Variants in CCDC141 observed in about 807,000 individuals in gnomAD.
CCDC141 encodes coiled-coil domain containing 141, also known as coiled-coil domain-containing protein 141.
In CCDC141, 168 loss-of-function variants were observed where a neutral mutation model predicts 181.0. The observed-to-expected ratio is 0.93, with a 90% CI of 0.82 to 1.05. The LOEUF is 1.05. CCDC141 is among the 50% of genes least tolerant of loss of function. CCDC141 has a pLI of 0.00. For missense variants in CCDC141, 1,902 were observed against 1,788.5 expected (o/e 1.06, Z -1.14); for synonymous variants, 666 against 642.3 (o/e 1.04, Z -0.56).
chr2:178,878,758 C>G (rs1409251922), intron 11 of CCDC141, among the ~76,000 whole-genome samples: 1 of 151,964 alleles, frequency 6.6e-6, no homozygotes, highest in African/African-American at 2.4e-5. Context: ...TTATTGAAGC[C>G]AAAATCATAT....
chr2:178,827,945 T>C (rs529322318), downstream of CCDC141, among the ~76,000 whole-genome samples: 2 of 152,324 alleles, frequency 1.3e-5, no homozygotes, highest in East Asian at 1.9e-4. Context: ...TCACTTCTTT[T>C]AGCTTCCAGC....
intron 4 of CCDC141, among the ~76,000 whole-genome samples, chr2:178,972,846 C>CGTAGTGTTAAA (rs763255659): frequency 6.6e-5 from 10 of 152,088 alleles, no homozygotes; most frequent in Non-Finnish European, 1.3e-4. Flanking sequence ...TTCTAACTTC[C>CGTAGTGTTAAA]GTAGTGTTAA....
At chr2:178,986,961 A>G (rs1352894147) in intron 2 of CCDC141, among the ~76,000 whole-genome samples, 2 of 152,096 alleles carry the variant, frequency 1.3e-5, no homozygotes, top group Non-Finnish European at 2.9e-5. Context: ...GAATTGGAAA[A>G]AACTACTTTA....
intron 17 of CCDC141, among the ~76,000 whole-genome samples, chr2:178,864,475 C>T (rs1441740443): frequency 6.6e-6 from 1 of 152,162 alleles, no homozygotes; most frequent in Admixed American, 6.5e-5. Flanking sequence ...CCCGAAGAGT[C>T]GACGCCTCTC....
At chr2:178,826,933 T>A (rs1314257850), downstream of CCDC141, among the ~76,000 whole-genome samples, 2 of 152,094 alleles carry the variant, frequency 1.3e-5, no homozygotes, top group African/African-American at 4.8e-5. Context: ...CTTTCTCTAG[T>A]TTCCTAAGGT....
chr2:178,975,081 G>T lies in CCDC141; in HGVS notation c.502C>A (p.Gln168Lys). 1 of 1,518,048 alleles carries T rather than the reference G, an allele frequency of 6.6e-7. No homozygotes were observed. The highest frequency in any genetic ancestry group is 2.5e-5 in the East Asian group (1 of 40,348). 94.0% of individuals were successfully genotyped at this position (1,518,048 alleles called of 1,614,324 possible). ...ESAESLKSLL[Q>K]LHEHHTKELL... ...CCTTTAGTATGATGTTCATGAAGCT[G>T]AAGAAGTGATTTTAAGGACTCAGCA... is the stretch of plus-strand genomic sequence containing the variant. Residue 168 changes from glutamine to lysine, a missense_variant, in exon 4 of 24, where the codon CAG becomes AAG. Gln to Lys is a moderately conservative substitution (Grantham distance 53). Transcript: ENST00000443758.
chr2:178,978,060 C>G lies in CCDC141; in HGVS notation c.417+424G>C, dbSNP rs572258073. 6.6e-5 allele frequency among the ~76,000 whole-genome samples: 10 copies of G among 152,140 alleles called. 1 individual carries two copies. In the South Asian group the frequency reaches 2.1e-3, roughly 32 times the overall value. On this transcript the variant is annotated intron_variant, in intron 3 of 23. Transcript: ENST00000443758. ...ATCCTATGGAATATTCTATAATTGC[C>G]TTTTTAAAACATAGGCAGCAAAAGG...
At chr2:178,930,417 G>A (rs1371682485) in intron 6 of CCDC141, among the ~76,000 whole-genome samples, 1 of 152,090 alleles carries the variant, frequency 6.6e-6, no homozygotes, top group Non-Finnish European at 1.5e-5. Flanking sequence ...ATCCCTATCA[G>A]AATCTCACTG....
intron 20 of CCDC141, 125 bp downstream of exon 20, chr2:178,853,316 T>C (rs1463835554): frequency 1.3e-6 from 1 of 791,006 alleles, no homozygotes; most frequent in South Asian, 2.0e-5. Flanking sequence ...CCTTGAACAT[T>C]TTCCCTGAAT....
At chr2:178,855,971 G>A (rs1457828346) in intron 18 of CCDC141, among the ~76,000 whole-genome samples, 2 of 152,274 alleles carry the variant, frequency 1.3e-5, no homozygotes, top group South Asian at 2.1e-4. Flanking sequence ...TAGAAGGCAC[G>A]TGCATGCATC....
chr2:178,877,580 A>C (rs1371633399), intron 12 of CCDC141: 1 of 250,892 alleles, frequency 4.0e-6, no homozygotes, highest in Non-Finnish European at 7.5e-6. Context: ...CTATGGTAAG[A>C]AACTCTTCAA....
intron 2 of CCDC141, among the ~76,000 whole-genome samples, chr2:179,040,855 A>C (rs1343747039): frequency 6.6e-6 from 1 of 152,194 alleles, no homozygotes; most frequent in Non-Finnish European, 1.5e-5. Context: ...ACTCATGCAT[A>C]TAACTTTATA....
chr2:178,923,712 T>G (rs1688807359), intron 6 of CCDC141, among the ~76,000 whole-genome samples: 1 of 152,194 alleles, frequency 6.6e-6, no homozygotes, highest in Admixed American at 6.5e-5. Context: ...TGAGGCCCTG[T>G]GTGTTTCCAG....
intron 7 of CCDC141, among the ~76,000 whole-genome samples, chr2:178,913,520 C>T (rs1688309430): frequency 6.6e-6 from 1 of 151,756 alleles, no homozygotes; most frequent in East Asian, 1.9e-4. Flanking sequence ...CCATATATAT[C>T]ACGTATATAT....
intron 4 of CCDC141, among the ~76,000 whole-genome samples, chr2:178,972,463 T>C (rs1690936191): frequency 6.6e-6 from 1 of 152,224 alleles, no homozygotes; most frequent in Admixed American, 6.5e-5. Flanking sequence ...TGTGAGGTGA[T>C]GTACTGAAGT....
chr2:178,869,364 C>T, intron 14 of CCDC141, 59 bp from the exon 15 acceptor site: 2 of 1,247,662 alleles, frequency 1.6e-6, no homozygotes, highest in Non-Finnish European at 2.2e-6. Flanking sequence ...TACTTTACAA[C>T]TGACAATATA....
chr2:179,025,766 T>G (rs1395770530), intron 2 of CCDC141, among the ~76,000 whole-genome samples: 1 of 152,122 alleles, frequency 6.6e-6, no homozygotes, highest in African/African-American at 2.4e-5. Context: ...TGTAGGACAG[T>G]TTAGAACTTC....
chr2:178,893,934 G>C (rs1687286482), intron 8 of CCDC141, among the ~76,000 whole-genome samples: 1 of 152,058 alleles, frequency 6.6e-6, no homozygotes, highest in Non-Finnish European at 1.5e-5. Flanking sequence ...TTGTTCAGAT[G>C]CATGTAGAGA....
chr2:178,932,714 T>C (rs1315382421), intron 6 of CCDC141, among the ~76,000 whole-genome samples: 1 of 152,206 alleles, frequency 6.6e-6, no homozygotes, highest in African/African-American at 2.4e-5. Flanking sequence ...TACGGTGTGA[T>C]TTTAATTTTC....
Sources: allele counts gnomAD v4.1 joint callset (sites outside exome capture counted in the v4.1 genomes callset), GRCh38; gene constraint gnomAD v4.1.1; transcripts MANE v1.5; gene names NCBI Gene and HGNC (gene_info 2026-07-23, HGNC 2026-07-21).